BRINP3: variants seen among roughly 807,000 people sequenced by gnomAD.
BRINP3 encodes BMP/retinoic acid-inducible neural-specific protein 3.
Under a neutral mutation model 71.0 loss-of-function variants are expected in BRINP3, and 19 were observed. That is an observed-to-expected ratio of 0.27 (90% CI 0.19 to 0.39). The LOEUF (loss-of-function observed/expected upper bound fraction) is 0.39. BRINP3 is among the 10% of genes least tolerant of loss of function. BRINP3 has a pLI of 1.00. For synonymous variants in BRINP3, 380 were observed against 337.7 expected (o/e 1.13, Z -1.37); for missense variants, 959 against 940.8 (o/e 1.02, Z -0.25).
chr1:190,180,682 T>C (rs1378403840), intron 6 of BRINP3, among the ~76,000 whole-genome samples: 2 of 152,056 alleles, frequency 1.3e-5, no homozygotes, highest in East Asian at 1.9e-4. Context: ...CTCAAAATTA[T>C]AGTACCAACA....
intron 2 of BRINP3, among the ~76,000 whole-genome samples, chr1:190,316,550 A>G (rs1665895193): frequency 6.6e-6 from 1 of 152,134 alleles, no homozygotes; most frequent in African/African-American, 2.4e-5. Context: ...GGTTAATATA[A>G]ACTATCACAG....
intron 1 of BRINP3, among the ~76,000 whole-genome samples, chr1:190,467,019 G>C (rs946203344): frequency 2.6e-5 from 4 of 151,394 alleles, no homozygotes; most frequent in African/African-American, 9.7e-5. Flanking sequence ...GAATTGTTAT[G>C]ACTATTTTCA....
intron 2 of BRINP3, among the ~76,000 whole-genome samples, chr1:190,366,266 C>T (rs1435315601): frequency 6.6e-6 from 1 of 152,092 alleles, no homozygotes; most frequent in Non-Finnish European, 1.5e-5. Flanking sequence ...GAAGATGAAG[C>T]AAGCATGTCT....
Position 190,172,778 on chromosome 1 carries a change from C to T in BRINP3, c.962-11888G>A, listed in dbSNP as rs140422129. Among the ~76,000 whole-genome samples the T allele has an allele frequency of 5.4e-3, 826 of 152,190 alleles. 6 individuals carry two copies. Among genetic ancestry groups the T allele is most frequent in the African/African-American group, 0.018 (753 of 41,556 alleles). ...TTATGATAACTGAACATACGACAATCGAACATAGCCTTTCCCAAAATGCAG... is the reference window on the plus strand; with the variant it reads ...TTATGATAACTGAACATACGACAATTGAACATAGCCTTTCCCAAAATGCAG... On this transcript the variant is annotated intron_variant, in intron 6 of 7. Coordinates refer to ENST00000367462, the MANE Select transcript of BRINP3 (RefSeq NM_199051.3).
chr1:190,335,616 C>A (rs914075084), intron 2 of BRINP3, among the ~76,000 whole-genome samples: 4 of 151,628 alleles, frequency 2.6e-5, no homozygotes, highest in Admixed American at 1.3e-4. Context: ...GATGTTCAGA[C>A]ATTTTAAAGA....
intron 6 of BRINP3, among the ~76,000 whole-genome samples, chr1:190,179,237 A>G (rs939906817): frequency 1.3e-5 from 2 of 152,250 alleles, no homozygotes; most frequent in South Asian, 2.1e-4. Flanking sequence ...AATCTCCCAC[A>G]TCTGCACCTG....
At position 190,098,359 on chromosome 1, in the gene BRINP3, G is replaced by T; in HGVS notation, c.1960C>A (p.Pro654Thr). ...TTCATATAGCCCAGGTTCCGGGAAGGGTCAATAAACTCCAGAGGTTCATAG... is the reference window on the plus strand; with the variant it reads ...TTCATATAGCCCAGGTTCCGGGAAGTGTCAATAAACTCCAGAGGTTCATAG... ...IYYEPLEFIDPSRNLGYMKIN... is the reference protein window; with the variant it reads ...IYYEPLEFIDTSRNLGYMKIN... The change falls in exon 8 of 8, where the codon CCT becomes ACT. Residue 654 changes from proline (P) to threonine (T), a missense_variant. Physicochemically the swap from Pro to Thr is conservative, Grantham distance 38 (BLOSUM62 -1). Coordinates refer to ENST00000367462, the MANE Select transcript of BRINP3 (RefSeq NM_199051.3). The T allele has an allele frequency of 6.2e-7, 1 of 1,614,054 alleles. No individual in the cohort carries two copies. The highest frequency in any genetic ancestry group is 8.5e-7 in the Non-Finnish European group (1 of 1,180,016).
intron 7 of BRINP3, among the ~76,000 whole-genome samples, chr1:190,121,403 GC>G (rs1653644837): frequency 6.6e-6 from 1 of 152,002 alleles, no homozygotes; most frequent in Admixed American, 6.6e-5. Context: ...AAGAAAAACA[GC>G]ACACATTAAG....
At chr1:190,314,885 G>A (rs539356871) in intron 2 of BRINP3, among the ~76,000 whole-genome samples, 2 of 152,140 alleles carry the variant, frequency 1.3e-5, no homozygotes, top group African/African-American at 4.8e-5. Context: ...AGAGCTGAGA[G>A]TATGCTGAAG....
At chr1:190,178,480 C>T (rs1395759947) in intron 6 of BRINP3, among the ~76,000 whole-genome samples, 2 of 152,006 alleles carry the variant, frequency 1.3e-5, no homozygotes, top group Non-Finnish European at 2.9e-5. Context: ...CACCTTTTTG[C>T]CAGTCAAAAC....
intron 1 of BRINP3, among the ~76,000 whole-genome samples, chr1:190,463,413 G>A (rs1050372827): frequency 1.1e-4 from 16 of 151,294 alleles, no homozygotes; most frequent in African/African-American, 2.4e-4. Context: ...TGATAATAGC[G>A]TGAAAATTCA....
intron 2 of BRINP3, among the ~76,000 whole-genome samples, chr1:190,368,652 T>C (rs1669661985): frequency 1.3e-5 from 2 of 152,010 alleles, no homozygotes; most frequent in South Asian, 4.1e-4. Flanking sequence ...TTATTGAGGG[T>C]CTGAAGGAAC....
intron 2 of BRINP3, among the ~76,000 whole-genome samples, chr1:190,329,047 C>A (rs906438336): frequency 6.6e-6 from 1 of 152,090 alleles, no homozygotes; most frequent in South Asian, 2.1e-4. Context: ...CCATACGTGA[C>A]AAACCCACGG....
chr1:190,413,809 A>G (rs954572374), intron 2 of BRINP3, among the ~76,000 whole-genome samples: 1 of 152,208 alleles, frequency 6.6e-6, no homozygotes, highest in Admixed American at 6.5e-5. Context: ...ATCTATATTC[A>G]TTGACAAAGA....
chr1:190,445,466 A>T (rs1367108082), intron 2 of BRINP3, among the ~76,000 whole-genome samples: 1 of 152,124 alleles, frequency 6.6e-6, no homozygotes, highest in African/African-American at 2.4e-5. Context: ...TAATTTTAGA[A>T]TCTTTTGTAA....
chr1:190,296,608 C>G (rs1295682069), intron 2 of BRINP3, among the ~76,000 whole-genome samples: 1 of 152,022 alleles, frequency 6.6e-6, no homozygotes, highest in Non-Finnish European at 1.5e-5. Flanking sequence ...TACATCCAAA[C>G]TGGAAAGGAA....
In BRINP3 at chr1:190,256,751, G is replaced by C. The variant is rs180674065; in HGVS notation, c.618+8114C>G. 4.6e-5 allele frequency among the ~76,000 whole-genome samples: 7 copies of C among 152,222 alleles called. No homozygotes were observed. In the East Asian group the frequency reaches 1.4e-3, roughly 29 times the overall value. ...ATTTCTCCTTAAATTATGAAGCTTA[G>C]TTTGAGCTGGATATGAAATTTTGGG... On this transcript the variant is annotated intron_variant, in intron 4 of 7. Transcript: ENST00000367462.
chr1:190,215,697 T>A (rs1656350667), intron 6 of BRINP3, among the ~76,000 whole-genome samples: 1 of 151,934 alleles, frequency 6.6e-6, no homozygotes, highest in Admixed American at 6.6e-5. Context: ...AAATGGATAG[T>A]GTTCTCTAAC....
chr1:190,116,330 T>C (rs1557980412), intron 7 of BRINP3, among the ~76,000 whole-genome samples: 1 of 152,108 alleles, frequency 6.6e-6, no homozygotes, highest in Non-Finnish European at 1.5e-5. Flanking sequence ...TAACAAATAA[T>C]GTGTTATTCC....
Sources: allele counts gnomAD v4.1 joint callset (sites outside exome capture counted in the v4.1 genomes callset), GRCh38; gene constraint gnomAD v4.1.1; transcripts MANE v1.5; gene names NCBI Gene and HGNC (gene_info 2026-07-23, HGNC 2026-07-21).